ST6GALNAC3: variants seen among roughly 807,000 people sequenced by gnomAD.
ST6GALNAC3 encodes the protein alpha-N-acetylgalactosaminide alpha-2,6-sialyltransferase 3.
ST6GALNAC3 carries 25 observed loss-of-function variants against 32.7 expected under a neutral mutation model. That is an observed-to-expected ratio of 0.76 (90% confidence interval 0.56 to 1.07). The LOEUF is 1.07. ST6GALNAC3 is among the 50% of genes least tolerant of loss of function. The probability of loss-of-function intolerance (pLI) is 0.00; values close to 1 mark genes in which losing one functional copy is unlikely to be tolerated. For missense variants in ST6GALNAC3, 355 were observed against 382.4 expected (o/e 0.93, Z 0.60); for synonymous variants, 129 against 133.1 (o/e 0.97, Z 0.21).
chr1:76,079,122 T>C (rs1646856103), intron 1 of ST6GALNAC3, among the ~76,000 whole-genome samples: 2 of 152,286 alleles, frequency 1.3e-5, no homozygotes, highest in South Asian at 2.1e-4. Context: ...TGATGTCTTC[T>C]TGGGCCCCAG....
At chr1:76,108,045 T>C (rs1385931942) in intron 1 of ST6GALNAC3, among the ~76,000 whole-genome samples, 1 of 152,164 alleles carries the variant, frequency 6.6e-6, no homozygotes, top group East Asian at 1.9e-4. Flanking sequence ...AAGAGTAAAG[T>C]AATGTTTGCT....
intron 3 of ST6GALNAC3, among the ~76,000 whole-genome samples, chr1:76,500,391 C>A (rs567823118): frequency 6.6e-6 from 1 of 152,282 alleles, no homozygotes; most frequent in South Asian, 2.1e-4. Flanking sequence ...TTATCACAAA[C>A]TACAAGTACC....
At chr1:76,240,712 C>T (rs1656911860) in intron 1 of ST6GALNAC3, among the ~76,000 whole-genome samples, 1 of 152,186 alleles carries the variant, frequency 6.6e-6, no homozygotes, top group African/African-American at 2.4e-5. Context: ...CCACAACATA[C>T]AGATACATTT....
chr1:76,291,482 C>A (rs1276466813), intron 1 of ST6GALNAC3, among the ~76,000 whole-genome samples: 1 of 152,230 alleles, frequency 6.6e-6, no homozygotes, highest in African/African-American at 2.4e-5. Flanking sequence ...TTGGAAATCG[C>A]ATCCAAGTAT....
At chr1:76,257,679 A>G (rs1468477991) in intron 1 of ST6GALNAC3, among the ~76,000 whole-genome samples, 2 of 151,980 alleles carry the variant, frequency 1.3e-5, no homozygotes, top group Non-Finnish European at 2.9e-5. Flanking sequence ...CTCTGCCGCC[A>G]TCTATTTGGC....
At chr1:76,380,875 G>T (rs758863935) in intron 2 of ST6GALNAC3, among the ~76,000 whole-genome samples, 2 of 152,164 alleles carry the variant, frequency 1.3e-5, no homozygotes, top group Non-Finnish European at 2.9e-5. Flanking sequence ...AATAGAATAA[G>T]GTACTGGGTA....
chr1:76,420,010 AG>A lies in ST6GALNAC3; in HGVS notation c.623+7594del, dbSNP rs752281803. On this transcript the variant is annotated intron_variant, in intron 3 of 4. Coordinates refer to ENST00000328299, the MANE Select transcript of ST6GALNAC3 (RefSeq NM_152996.4). ...TTTAATAGGCAAGAAAGAAGGAAAA[AG>A]CTCCCCGTGCAGAGACAGAGGGAGG... Among the ~76,000 whole-genome samples the A allele has an allele frequency of 2.7e-5, 4 of 150,650 alleles. No homozygotes were observed. In the East Asian group the frequency reaches 5.9e-4, roughly 22 times the overall value.
intron 1 of ST6GALNAC3, among the ~76,000 whole-genome samples, chr1:76,276,001 G>C (rs1034135740): frequency 6.6e-6 from 1 of 152,106 alleles, no homozygotes; most frequent in Non-Finnish European, 1.5e-5. Flanking sequence ...AGGGGAAATA[G>C]CTAGCATTTC....
intron 1 of ST6GALNAC3, among the ~76,000 whole-genome samples, chr1:76,279,768 G>A (rs893013801): frequency 6.6e-6 from 1 of 152,186 alleles, no homozygotes; most frequent in Non-Finnish European, 1.5e-5. Context: ...TGGACCTCAG[G>A]AGCCTTGCTG....
Position 76,630,907 on chromosome 1 carries a change from T to A in ST6GALNAC3, c.*2101T>A, listed in dbSNP as rs1649264678. Reference sequence around the variant, plus strand: ...TTGCCATACAGACTGTTTTTCCCCCTGTTGTTTCACTTTAAAATAAAAAGA... The same window carrying A: ...TTGCCATACAGACTGTTTTTCCCCCAGTTGTTTCACTTTAAAATAAAAAGA... On this transcript the variant is annotated 3_prime_UTR_variant, in exon 5 of 5. Coordinates refer to ENST00000328299, the MANE Select transcript of ST6GALNAC3 (RefSeq NM_152996.4). 1.0e-6 allele frequency: 1 copy of A among 985,474 alleles called. No homozygotes were observed. The highest frequency in any genetic ancestry group is 1.7e-5 in the African/African-American group (1 of 57,192). The allele number at this position is 985,474 out of a possible 1,614,324, so 61.0% of individuals were successfully genotyped here.
chr1:76,359,651 G>C (rs1262845927), intron 2 of ST6GALNAC3, among the ~76,000 whole-genome samples: 1 of 152,130 alleles, frequency 6.6e-6, no homozygotes, highest in East Asian at 1.9e-4. Flanking sequence ...CTAATACTTT[G>C]TTACAGCAGC....
At chr1:76,410,481 T>C (rs1654158195) in intron 2 of ST6GALNAC3, among the ~76,000 whole-genome samples, 2 of 151,982 alleles carry the variant, frequency 1.3e-5, no homozygotes, top group Admixed American at 1.3e-4. Flanking sequence ...TAACCTCCTT[T>C]CCTGCTTTAA....
chr1:76,440,874 G>A (rs1452220078), intron 3 of ST6GALNAC3, among the ~76,000 whole-genome samples: 1 of 152,082 alleles, frequency 6.6e-6, no homozygotes, highest in Non-Finnish European at 1.5e-5. Context: ...GATCACCTGA[G>A]GTCAGGAGTT....
intron 3 of ST6GALNAC3, among the ~76,000 whole-genome samples, chr1:76,546,549 T>C (rs1664308947): frequency 6.6e-6 from 1 of 152,186 alleles, no homozygotes; most frequent in Admixed American, 6.5e-5. Flanking sequence ...CAAATGACCT[T>C]TGAGACATGA....
intron 3 of ST6GALNAC3, among the ~76,000 whole-genome samples, chr1:76,574,203 A>C (rs551640858): frequency 3.9e-5 from 6 of 152,108 alleles, no homozygotes; most frequent in Non-Finnish European, 8.8e-5. Flanking sequence ...GTTTTGAGTG[A>C]TGATGTGTTA....
At chr1:76,445,252 G>A (rs1656891962) in intron 3 of ST6GALNAC3, among the ~76,000 whole-genome samples, 1 of 152,092 alleles carries the variant, frequency 6.6e-6, no homozygotes, top group Non-Finnish European at 1.5e-5. Flanking sequence ...AGTGTTCTTG[G>A]AAGTGTAGTC....
intron 3 of ST6GALNAC3, among the ~76,000 whole-genome samples, chr1:76,607,210 G>A (rs190493469): frequency 6.6e-6 from 1 of 152,332 alleles, no homozygotes; most frequent in African/African-American, 2.4e-5. Context: ...AAGGATGTGA[G>A]AACGGGAGCT....
At chr1:76,156,673 CT>C (rs1651449211) in intron 1 of ST6GALNAC3, among the ~76,000 whole-genome samples, 1 of 152,146 alleles carries the variant, frequency 6.6e-6, no homozygotes, top group Admixed American at 6.5e-5. Flanking sequence ...CTACAAGATA[CT>C]CCAGGATTAT....
chr1:76,444,530 C>CT (rs2101524806), intron 3 of ST6GALNAC3, among the ~76,000 whole-genome samples: 1 of 152,298 alleles, frequency 6.6e-6, no homozygotes, highest in African/African-American at 2.4e-5. Context: ...AAATGAGAAA[C>CT]TAACTGGCCA....
Sources: gnomAD v4.1 joint callset for allele counts (sites outside exome capture counted in the v4.1 genomes callset) on GRCh38, gnomAD v4.1.1 for gene constraint, MANE v1.5 for transcripts, NCBI Gene and HGNC (gene_info 2026-07-23, HGNC 2026-07-21) for gene names.